The following GFOD1 variants were observed in gnomAD, a reference collection of about 807,000 sequenced individuals.
GFOD1 encodes the protein glucose-fructose oxidoreductase domain-containing protein 1.
In GFOD1, 9 loss-of-function variants were observed where a neutral mutation model predicts 25.4. That is an observed-to-expected ratio of 0.35 (90% confidence interval 0.21 to 0.62). The LOEUF (loss-of-function observed/expected upper bound fraction) is 0.62. GFOD1 is among the 20% of genes least tolerant of loss of function. The pLI is 0.72. For missense variants in GFOD1, 403 were observed against 556.9 expected (o/e 0.72, Z 2.78); for synonymous variants, 253 against 245.6 (o/e 1.03, Z -0.28).
At chr6:13,462,910 A>C (rs1758316079) in intron 1 of GFOD1, among the ~76,000 whole-genome samples, 1 of 152,216 alleles carries the variant, frequency 6.6e-6, no homozygotes, top group Admixed American at 6.5e-5. Flanking sequence ...AGAAAGCAAC[A>C]GCGAGATAAA....
chr6:13,477,071 C>T (rs1758638821), intron 1 of GFOD1, among the ~76,000 whole-genome samples: 1 of 152,198 alleles, frequency 6.6e-6, no homozygotes, highest in African/African-American at 2.4e-5. Context: ...AGGGAGCCCA[C>T]ACCCACCAGC....
intron 1 of GFOD1, among the ~76,000 whole-genome samples, chr6:13,382,873 T>G (rs180836573): frequency 2.0e-5 from 3 of 152,308 alleles, no homozygotes; most frequent in Admixed American, 1.3e-4. Flanking sequence ...CCTGTGTCCA[T>G]GTGTTCTCAT....
chr6:13,406,867 TCTGGCTGTCCTTCCTCTGCCCTTG>T (rs1272834684), intron 1 of GFOD1, among the ~76,000 whole-genome samples: 3 of 152,292 alleles, frequency 2.0e-5, no homozygotes, highest in Admixed American at 6.5e-5. Flanking sequence ...TATAAAGACC[TCTGGCTGTCCTTCCTCTGCCCTTG>T]TCAGTTCTCT....
At chr6:13,461,585 C>A (rs1480752197) in intron 1 of GFOD1, among the ~76,000 whole-genome samples, 1 of 152,206 alleles carries the variant, frequency 6.6e-6, no homozygotes, top group Admixed American at 6.5e-5. Flanking sequence ...TGGCACCACT[C>A]TGCCCCCACA....
At chr6:13,431,082 A>G (rs1992387) in intron 1 of GFOD1, among the ~76,000 whole-genome samples, 121,709 of 152,244 alleles carry the variant, frequency 0.8, 52,964 homozygotes, top group Non-Finnish European at 0.96. Flanking sequence ...ATTTAATTTC[A>G]CATTGCTTAT....
At chr6:13,470,433 TAA>T in intron 1 of GFOD1, 1 of 1,550,148 alleles carries the variant, frequency 6.5e-7, no homozygotes, top group East Asian at 2.4e-5. Context: ...CTGTGCATAT[TAA>T]GTTAGACAGG....
In GFOD1 at chr6:13,365,894, A is replaced by G. The variant is rs1451108084; in HGVS notation, c.254-232T>C. On this transcript the variant is annotated intron_variant, in intron 1 of 1. Coordinates refer to ENST00000379287, the MANE Select transcript of GFOD1 (RefSeq NM_018988.4). This position sits in a 1 kb window ranked among gnomAD's most constrained non-coding sequence, Gnocchi z 9.2. ...ATCCTGTCTCAATAATAATAATAAT[A>G]ATAATAATAATAATAATAATAATAA... is the stretch of plus-strand genomic sequence containing the variant. Among the ~76,000 whole-genome samples, 1 of 145,852 alleles carries G rather than the reference A, an allele frequency of 6.9e-6. No homozygotes were observed. Among genetic ancestry groups the G allele is most frequent in the Admixed American group, 6.8e-5 (1 of 14,604 alleles).
At chr6:13,395,076 C>T (rs566718775) in intron 1 of GFOD1, among the ~76,000 whole-genome samples, 79 of 152,136 alleles carry the variant, frequency 5.2e-4, no homozygotes, top group Non-Finnish European at 8.8e-4. Flanking sequence ...AGCCACTGTG[C>T]CTGGCTAGGT....
At chr6:13,378,924 G>A (rs1439340913) in intron 1 of GFOD1, among the ~76,000 whole-genome samples, 1 of 147,258 alleles carries the variant, frequency 6.8e-6, no homozygotes, top group Admixed American at 7.0e-5. Flanking sequence ...GAAGCAGAGG[G>A]AAACAATCAG....
chr6:13,480,747 G>T (rs764757246), intron 1 of GFOD1, among the ~76,000 whole-genome samples: 1 of 152,070 alleles, frequency 6.6e-6, no homozygotes, highest in Non-Finnish European at 1.5e-5. Flanking sequence ...TCCGTCTCCC[G>T]AAGTGCTGGG....
At chr6:13,466,756 T>G (rs969926416) in intron 1 of GFOD1, among the ~76,000 whole-genome samples, 1 of 152,228 alleles carries the variant, frequency 6.6e-6, no homozygotes, top group Non-Finnish European at 1.5e-5. Flanking sequence ...AAACGCCCAC[T>G]GTGCTGATAA....
At chr6:13,381,915 G>GCGCACACACA (rs748305101) in intron 1 of GFOD1, among the ~76,000 whole-genome samples, 15 of 140,050 alleles carry the variant, frequency 1.1e-4, no homozygotes, top group African/African-American at 3.3e-4. Flanking sequence ...ACGCGCGCGC[G>GCGCACACACA]CACACACACA....
At chr6:13,448,161 A>AAAT in intron 1 of GFOD1, among the ~76,000 whole-genome samples, 1 of 152,312 alleles carries the variant, frequency 6.6e-6, no homozygotes, top group Non-Finnish European at 1.5e-5. Context: ...TGCTTGTTAT[A>AAAT]AAGGTCTGGC....
At chr6:13,470,244 C>A (rs1758467504) in intron 1 of GFOD1, 2 of 1,595,474 alleles carry the variant, frequency 1.3e-6, no homozygotes, top group East Asian at 2.3e-5. Context: ...AGGGCAATTG[C>A]CGGCTCATGA....
intron 1 of GFOD1, among the ~76,000 whole-genome samples, chr6:13,476,063 C>A (rs1418406724): frequency 6.6e-6 from 1 of 152,190 alleles, no homozygotes; most frequent in Non-Finnish European, 1.5e-5. Flanking sequence ...TATATACACA[C>A]TATACAACTG....
At chr6:13,425,673 C>T (rs1584644276) in intron 1 of GFOD1, among the ~76,000 whole-genome samples, 1 of 152,286 alleles carries the variant, frequency 6.6e-6, no homozygotes, top group Non-Finnish European at 1.5e-5. Flanking sequence ...CCCATCCTGG[C>T]CTCTGTCAAA....
At chr6:13,382,695 G>A (rs1304600595) in intron 1 of GFOD1, among the ~76,000 whole-genome samples, 2 of 152,168 alleles carry the variant, frequency 1.3e-5, no homozygotes, top group African/African-American at 4.8e-5. Context: ...GGGTACATGT[G>A]CAGAATGTGC....
At chr6:13,366,447 T>C (rs1347174552) in intron 1 of GFOD1, among the ~76,000 whole-genome samples, 2 of 152,194 alleles carry the variant, frequency 1.3e-5, no homozygotes, top group Non-Finnish European at 2.9e-5. Flanking sequence ...ACGATTCTCC[T>C]GCCTCAGCCT....
Position 13,374,267 on chromosome 6 carries a change from T to TGTGTGTGTG in GFOD1, c.254-8606_254-8605insCACACACAC, listed in dbSNP as rs1554199393. Among the ~76,000 whole-genome samples the TGTGTGTGTG allele has an allele frequency of 8.0e-3, 1,073 of 133,820 alleles. 14 individuals carry two copies. Among genetic ancestry groups the TGTGTGTGTG allele is most frequent in the East Asian group, 0.013 (57 of 4,512 alleles). 87.8% of individuals were successfully genotyped at this position (133,820 alleles called of 152,430 possible). ...AGCCTAGTCTTTTTAAAAATATGTT[T>TGTGTGTGTG]TTTTTTTGTGTGTGTGTGTGTGTGT... is the stretch of plus-strand genomic sequence containing the variant. On this transcript the variant is annotated intron_variant, in intron 1 of 1. Transcript: ENST00000379287.
Sources: gnomAD v4.1 joint callset for allele counts (sites outside exome capture counted in the v4.1 genomes callset) on GRCh38, gnomAD v4.1.1 for gene constraint, Gnocchi (gnomAD v3.1) non-coding constraint, MANE v1.5 for transcripts, NCBI Gene and HGNC (gene_info 2026-07-23, HGNC 2026-07-21) for gene names.